The following LRPAP1 variants were observed in gnomAD, a reference collection of about 807,000 sequenced individuals.
LRPAP1 encodes the protein alpha-2-macroglobulin receptor-associated protein.
Under a neutral mutation model 39.9 loss-of-function variants are expected in LRPAP1, and 41 were observed. That is an observed-to-expected ratio of 1.03 (90% CI 0.80 to 1.33). The LOEUF (loss-of-function observed/expected upper bound fraction) is 1.33. LRPAP1 is among the 40% of genes most tolerant of loss of function. The pLI, the probability that LRPAP1 is intolerant of heterozygous loss-of-function variation, is 0.00. For synonymous variants in LRPAP1, 263 were observed against 212.7 expected (o/e 1.24, Z -2.06); for missense variants, 565 against 482.3 (o/e 1.17, Z -1.61).
intron 7 of LRPAP1, among the ~76,000 whole-genome samples, chr4:3,513,920 G>A (rs1729612874): frequency 6.6e-6 from 1 of 152,276 alleles, no homozygotes; most frequent in East Asian, 1.9e-4. Context: ...CAGCGGCCCT[G>A]ACCTCTGCCC....
chr4:3,525,637 C>T (rs1730058226), intron 1 of LRPAP1, among the ~76,000 whole-genome samples: 1 of 152,142 alleles, frequency 6.6e-6, no homozygotes, highest in Non-Finnish European at 1.5e-5. Flanking sequence ...GTAGACCACA[C>T]AGGCAGCGCC....
In LRPAP1 at chr4:3,514,823, C is replaced by T. The variant is rs775076326; in HGVS notation, c.940G>A (p.Gly314Ser). The T allele has an allele frequency of 1.2e-5, 19 of 1,613,508 alleles. No individual in the cohort carries two copies. The highest frequency in any genetic ancestry group is 3.3e-5 in the Admixed American group (2 of 60,020). Residue 314 changes from glycine (G) to serine (S), a missense_variant, in exon 7 of 8, where the codon GGC (glycine) becomes AGC (serine). Physicochemically the swap from Gly to Ser is moderately conservative, Grantham distance 56 (BLOSUM62 0). Transcript: ENST00000650182. ...KLRHAESVGD[G>S]ERVSRSREKH... ...TCGCGGCTGCGGCTCACACGCTCGC[C>T]GTCGCCCACGCTCTCTGCGTGCCTC...
chr4:3,531,653 A>C (rs2108700475), intron 1 of LRPAP1, among the ~76,000 whole-genome samples: 1 of 152,280 alleles, frequency 6.6e-6, no homozygotes, highest in East Asian at 1.9e-4. Flanking sequence ...AGGAGAGGTC[A>C]GGTGAGCGCC....
At chr4:3,522,198 A>C (rs1332657751) in intron 2 of LRPAP1, among the ~76,000 whole-genome samples, 1 of 152,142 alleles carries the variant, frequency 6.6e-6, no homozygotes, top group Non-Finnish European at 1.5e-5. Context: ...TGCACCCCTG[A>C]GCCCGAGAGG....
chr4:3,519,027 C>T (rs371827550), intron 3 of LRPAP1, 36 bp from the exon 4 acceptor site: 38 of 1,605,444 alleles, frequency 2.4e-5, no homozygotes, highest in East Asian at 1.3e-4. Flanking sequence ...GAACCCGCCG[C>T]GGGCTCGTGT....
At position 3,532,378 on chromosome 4, in the gene LRPAP1, C is replaced by T. The variant is rs1166084073; in HGVS notation, c.35G>A (p.Gly12Glu). Reference protein sequence around the residue: ...APRRVRSFLRGLPALLLLLLF... With the variant: ...APRRVRSFLRELPALLLLLLF... ...CAGCAGCAGTAGCAGCGCCGGGAGCCCGCGCAGAAACGACCTGACCCTCCG... is the reference window on the plus strand; with the variant it reads ...CAGCAGCAGTAGCAGCGCCGGGAGCTCGCGCAGAAACGACCTGACCCTCCG... The change falls in exon 1 of 8, where the codon GGG (glycine) becomes GAG (glutamate). Residue 12 changes from glycine to glutamate, a missense_variant. By Grantham distance (98) the Gly-to-Glu change is moderately conservative. Transcript: ENST00000650182. 1.3e-6 allele frequency: 2 copies of T among 1,592,096 alleles called. No individual in the cohort carries two copies. Among genetic ancestry groups the T allele is most frequent in the African/African-American group, 1.3e-5 (1 of 74,632 alleles).
chr4:3,528,961 C>T (rs989689830), intron 1 of LRPAP1, among the ~76,000 whole-genome samples: 9 of 152,202 alleles, frequency 5.9e-5, no homozygotes, highest in African/African-American at 1.4e-4. Flanking sequence ...AGTTTCCACT[C>T]GTCAGACCTC....
rs1467127438 is a variant in LRPAP1 at position 3,514,834 on chromosome 4, C to T, written c.929G>A (p.Ser310Asn). ...GCTCACACGCTCGCCGTCGCCCACG[C>T]TCTCTGCGTGCCTCAGCTTCTCGTG... Reference protein sequence around the residue: ...IAHEKLRHAESVGDGERVSRS... With the variant: ...IAHEKLRHAENVGDGERVSRS... The change falls in exon 7 of 8, where the codon AGC (serine) becomes AAC (asparagine). Residue 310 changes from serine (S) to asparagine (N), a missense_variant. Coordinates refer to ENST00000650182, the MANE Select transcript of LRPAP1 (RefSeq NM_002337.4). The T allele has an allele frequency of 1.9e-6, 3 of 1,613,610 alleles. No individual in the cohort carries two copies. Among genetic ancestry groups the T allele is most frequent in the East Asian group, 4.5e-5 (2 of 44,892 alleles).
chr4:3,515,454 G>A (rs556944955), intron 6 of LRPAP1, among the ~76,000 whole-genome samples: 4 of 152,294 alleles, frequency 2.6e-5, no homozygotes, highest in South Asian at 2.1e-4. Context: ...ACCCCTTTCT[G>A]GGGGAGGTGC....
At chr4:3,522,950 C>T (rs1288213289) in intron 2 of LRPAP1, among the ~76,000 whole-genome samples, 2 of 152,162 alleles carry the variant, frequency 1.3e-5, no homozygotes, top group Non-Finnish European at 2.9e-5. Flanking sequence ...CACGGGGGAC[C>T]TCGGGGGTCC....
In LRPAP1 at chr4:3,505,655, CCGTCTATACCAGCTACCCCAAGA is replaced by C. The variant is rs1729331762; in HGVS notation, c.*7296_*7318del. 5.3e-5 allele frequency among the ~76,000 whole-genome samples: 8 copies of C among 152,342 alleles called. No individual in the cohort carries two copies. The South Asian group carries it at 6.2e-4, about 12-fold the overall frequency. On this transcript the variant is annotated 3_prime_UTR_variant, in exon 8 of 8. Transcript: ENST00000650182. ...CCCGTCTATACCAGCTACCCCAAGACCGTCTATACCAGCTACCCCAAGACCGTCTATACCAGCTACCCCAAGAC... is the reference window on the plus strand; with the variant it reads ...CCCGTCTATACCAGCTACCCCAAGACCCGTCTATACCAGCTACCCCAAGAC...
At position 3,507,542 on chromosome 4, in the gene LRPAP1, T is replaced by G. The variant is rs1175118823; in HGVS notation, c.*5432A>C. 6.6e-6 allele frequency: 1 copy of G among 152,368 alleles called. No homozygotes were observed. Among genetic ancestry groups the G allele is most frequent in the South Asian group, 2.1e-4 (1 of 4,828 alleles). 9.4% of individuals were successfully genotyped at this position (152,368 alleles called of 1,614,324 possible). The stretch of plus-strand genomic sequence containing the variant: ...TGGGTCCTAGTACCTCGTCCATTTT[T>G]AAAAGATTCCATGCGTGCTTAAGAA... On this transcript the variant is annotated 3_prime_UTR_variant, in exon 8 of 8. Coordinates refer to ENST00000650182, the MANE Select transcript of LRPAP1 (RefSeq NM_002337.4).
chr4:3,515,884 G>C (rs867336096), intron 6 of LRPAP1: 9 of 576,938 alleles, frequency 1.6e-5, no homozygotes, highest in Admixed American at 3.0e-5. Context: ...ACGTGAACAC[G>C]GACAAAAGAA....
At chr4:3,520,701 A>C (rs903310624) in intron 2 of LRPAP1, among the ~76,000 whole-genome samples, 1 of 152,266 alleles carries the variant, frequency 6.6e-6, no homozygotes, top group Non-Finnish European at 1.5e-5. Context: ...CACACATCTT[A>C]TATTTATTGG....
At chr4:3,514,652 G>A (rs1401392874) in intron 7 of LRPAP1, 100 bp downstream of exon 7, 3 of 1,423,642 alleles carry the variant, frequency 2.1e-6, no homozygotes, top group South Asian at 1.3e-5. Context: ...GCAGCGTGGG[G>A]CCCACACCCC....
At chr4:3,516,061 C>T (rs1729685351) in intron 6 of LRPAP1, 55 bp downstream of exon 6, 4 of 1,509,946 alleles carry the variant, frequency 2.6e-6, no homozygotes, top group Non-Finnish European at 3.6e-6. Flanking sequence ...CCGGAAACTG[C>T]AAGAGAATCT....
At chr4:3,522,103 G>A (rs1481342135) in intron 2 of LRPAP1, among the ~76,000 whole-genome samples, 2 of 152,242 alleles carry the variant, frequency 1.3e-5, no homozygotes, top group Non-Finnish European at 2.9e-5. Flanking sequence ...GAAAGCCAGT[G>A]CCAGGCCTGC....
chr4:3,531,624 A>AC (rs1730258505), intron 1 of LRPAP1, among the ~76,000 whole-genome samples: 1 of 152,166 alleles, frequency 6.6e-6, no homozygotes, highest in African/African-American at 2.4e-5. Flanking sequence ...GGGCCTCCGT[A>AC]CCCTCATCTC....
Position 3,509,218 on chromosome 4 carries a change from C to G in LRPAP1, c.*3756G>C, listed in dbSNP as rs1239567607. 2 of 152,178 alleles carry G rather than the reference C, an allele frequency of 1.3e-5. No individual in the cohort carries two copies. Among genetic ancestry groups the G allele is most frequent in the African/African-American group, 2.4e-5 (1 of 41,420 alleles). 9.4% of individuals were successfully genotyped at this position (152,178 alleles called of 1,614,324 possible). On this transcript the variant is annotated 3_prime_UTR_variant, in exon 8 of 8. Coordinates refer to ENST00000650182, the MANE Select transcript of LRPAP1 (RefSeq NM_002337.4). ...ATACATGGCAGTCAACGCATGGACACCGGAGACTGTTGAGACGCCGACTGG... is the reference window on the plus strand; with the variant it reads ...ATACATGGCAGTCAACGCATGGACAGCGGAGACTGTTGAGACGCCGACTGG...
Sources: allele counts gnomAD v4.1 joint callset (sites outside exome capture counted in the v4.1 genomes callset), GRCh38; gene constraint gnomAD v4.1.1; transcripts MANE v1.5; gene names NCBI Gene and HGNC (gene_info 2026-07-23, HGNC 2026-07-21).